ALK: variants seen among roughly 807,000 people sequenced by gnomAD.
The protein encoded by ALK is ALK tyrosine kinase receptor.
ALK carries 74 observed loss-of-function variants against 163.1 expected under a neutral mutation model. That is an observed-to-expected ratio of 0.45 (90% CI 0.38 to 0.55). ALK has a LOEUF of 0.55. Among genes scored for constraint, ALK ranks in the 20% least tolerant of loss-of-function variants. The probability of loss-of-function intolerance (pLI) is 0.00; values close to 1 mark genes in which losing one functional copy is unlikely to be tolerated. For missense variants in ALK, 2,063 were observed against 2,105.3 expected (o/e 0.98, Z 0.39); for synonymous variants, 960 against 843.2 (o/e 1.14, Z -2.40).
chr2:29,524,514 T>C (rs985193919), intron 4 of ALK, among the ~76,000 whole-genome samples: 2 of 152,236 alleles, frequency 1.3e-5, no homozygotes, highest in Admixed American at 1.3e-4. Context: ...TGAGATTCGG[T>C]TTACTCTTCT....
intron 4 of ALK, among the ~76,000 whole-genome samples, chr2:29,498,223 C>G (rs1257030518): frequency 1.3e-5 from 2 of 152,010 alleles, no homozygotes; most frequent in African/African-American, 2.4e-5. Flanking sequence ...CAAATATGAC[C>G]TAAAAAATTG....
At chr2:29,418,608 G>A (rs1370987927) in intron 4 of ALK, among the ~76,000 whole-genome samples, 2 of 152,084 alleles carry the variant, frequency 1.3e-5, no homozygotes, top group Admixed American at 1.3e-4. Flanking sequence ...TGTACCCACT[G>A]TTTAGCTCCC....
chr2:29,914,830 G>A lies in ALK; in HGVS notation c.667+5163C>T, dbSNP rs1572497801. ...GCACTTGGAGATGATTCCCTTAGTG[G>A]AAAGAACTCTGACTTGAAGGAAAGG... On this transcript the variant is annotated intron_variant, in intron 1 of 28. Transcript: ENST00000389048. Among the ~76,000 whole-genome samples, 3 of 152,130 alleles carry A rather than the reference G, an allele frequency of 2.0e-5. No homozygotes were observed. In the South Asian group the frequency reaches 6.2e-4, roughly 32 times the overall value.
chr2:29,378,707 C>A (rs985051873), intron 5 of ALK, among the ~76,000 whole-genome samples: 1 of 151,508 alleles, frequency 6.6e-6, no homozygotes, highest in Non-Finnish European at 1.5e-5. Flanking sequence ...TCCTCCCCTC[C>A]CCTCCCCTCC....
intron 18 of ALK, among the ~76,000 whole-genome samples, chr2:29,226,344 G>A (rs959217456): frequency 3.0e-4 from 45 of 151,922 alleles, no homozygotes; most frequent in Non-Finnish European, 2.8e-4. Context: ...CTGGCATGGT[G>A]GTGGGCGCCT....
intron 4 of ALK, among the ~76,000 whole-genome samples, chr2:29,486,341 C>G (rs1457632174): frequency 1.3e-5 from 2 of 152,156 alleles, no homozygotes; most frequent in South Asian, 2.1e-4. Context: ...CTATGGTTCT[C>G]TATCATTCCT....
At chr2:29,822,944 C>G (rs1665088648) in intron 1 of ALK, among the ~76,000 whole-genome samples, 1 of 152,208 alleles carries the variant, frequency 6.6e-6, no homozygotes. Context: ...TAGAAAGATA[C>G]TGTTCCAGAC....
At position 29,223,449 on chromosome 2, in the gene ALK, G is replaced by A. The variant is rs2148170991; in HGVS notation, c.3252C>T (p.Arg1084=). Residue 1084 remains arginine, a synonymous_variant, in exon 20 of 29, where the codon CGC becomes CGT. Transcript: ENST00000389048. ...QSPEYKLSKL[R]TSTIMTDYNP... is the part of the protein sequence containing the mutation. Reference sequence around the variant, plus strand: ...TGTAGTCGGTCATGATGGTCGAGGTGCGGAGCTTGCTCAGCTTGTACTCAG... The same window carrying A: ...TGTAGTCGGTCATGATGGTCGAGGTACGGAGCTTGCTCAGCTTGTACTCAG... The A allele has an allele frequency of 6.2e-7, 1 of 1,614,178 alleles. No individual in the cohort carries two copies. Among genetic ancestry groups the A allele is most frequent in the Non-Finnish European group, 8.5e-7 (1 of 1,180,032 alleles).
intron 1 of ALK, among the ~76,000 whole-genome samples, chr2:29,816,596 C>T (rs544393726): frequency 2.5e-4 from 38 of 152,226 alleles, no homozygotes; most frequent in African/African-American, 6.7e-4. Flanking sequence ...GGAAAGATGC[C>T]GACAATAACA....
At chr2:29,299,951 G>T (rs143550632) in intron 8 of ALK, among the ~76,000 whole-genome samples, 1 of 152,306 alleles carries the variant, frequency 6.6e-6, no homozygotes, top group African/African-American at 2.4e-5. Flanking sequence ...TGGAAACACG[G>T]TGGATTAGTG....
rs559086875 is a variant in ALK, at chr2:29,446,500, C to A, written c.1155-62641G>T. ...AGACACTTGAAACTTGACCCTGCCC[C>A]CAAAGAGTTCCCTGTTCTCAGACTT... On this transcript the variant is annotated intron_variant, in intron 4 of 28. Coordinates refer to ENST00000389048, the MANE Select transcript of ALK (RefSeq NM_004304.5). Among the ~76,000 whole-genome samples, 26 of 152,264 alleles carry A rather than the reference C, an allele frequency of 1.7e-4. No individual in the cohort carries two copies. The East Asian group carries it at 5.0e-3, about 29-fold the overall frequency.
chr2:29,758,405 G>A (rs1680601686), intron 1 of ALK, among the ~76,000 whole-genome samples: 2 of 152,090 alleles, frequency 1.3e-5, no homozygotes, highest in African/African-American at 4.8e-5. Context: ...TTCAACCATG[G>A]CACCTCATTG....
intron 3 of ALK, among the ~76,000 whole-genome samples, chr2:29,665,455 C>T (rs938241589): frequency 2.6e-5 from 4 of 152,106 alleles, no homozygotes; most frequent in Admixed American, 2.6e-4. Context: ...CTACTCCAAA[C>T]CATGAACTAT....
intron 4 of ALK, among the ~76,000 whole-genome samples, chr2:29,476,062 G>A (rs994122751): frequency 7.2e-5 from 11 of 152,210 alleles, no homozygotes; most frequent in Admixed American, 2.0e-4. Context: ...GCCTATGGGC[G>A]GGAGTGGTCA....
chr2:29,909,158 C>T (rs1041073024), intron 1 of ALK, among the ~76,000 whole-genome samples: 6 of 152,202 alleles, frequency 3.9e-5, no homozygotes, highest in Non-Finnish European at 5.9e-5. Context: ...ACTAGCACTG[C>T]ATGATCCTTC....
chr2:29,379,343 T>C (rs557800593), intron 5 of ALK, among the ~76,000 whole-genome samples: 2 of 152,310 alleles, frequency 1.3e-5, no homozygotes, highest in East Asian at 3.9e-4. Flanking sequence ...CCCAAAGCTA[T>C]AAAAGAAGGT....
chr2:29,550,529 TAC>T (rs1281796239), intron 3 of ALK, among the ~76,000 whole-genome samples: 27 of 152,334 alleles, frequency 1.8e-4, no homozygotes, highest in African/African-American at 6.3e-4. Flanking sequence ...CTCCAATCTC[TAC>T]AGTTTTTGAA....
chr2:29,330,378 C>A (rs1203279553), intron 5 of ALK, among the ~76,000 whole-genome samples: 2 of 152,198 alleles, frequency 1.3e-5, no homozygotes, highest in East Asian at 3.9e-4. Flanking sequence ...CTGGCACAAT[C>A]CTCACACCTT....
chr2:29,695,104 C>T, intron 2 of ALK, 90 bp from the exon 3 acceptor site: 10 of 1,416,056 alleles, frequency 7.1e-6, no homozygotes, highest in Non-Finnish European at 9.9e-6. Flanking sequence ...GGTTGGCCTT[C>T]ATCTCCCCAC....
Sources: allele counts gnomAD v4.1 joint callset (sites outside exome capture counted in the v4.1 genomes callset), GRCh38; gene constraint gnomAD v4.1.1; transcripts MANE v1.5; gene names NCBI Gene and HGNC (gene_info 2026-07-23, HGNC 2026-07-21).